The following AS3MT variants were observed in gnomAD, a reference collection of about 807,000 sequenced individuals.
AS3MT encodes arsenite methyltransferase, also known as S-adenosyl-L-methionine:arsenic(III) methyltransferase.
Under a neutral mutation model 45.3 loss-of-function variants are expected in AS3MT, and 47 were observed. That is an observed-to-expected ratio of 1.04 (90% CI 0.82 to 1.32). AS3MT has a LOEUF of 1.32. AS3MT is among the 40% of genes most tolerant of loss of function. The probability of loss-of-function intolerance (pLI) is 0.00; values close to 1 mark genes in which losing one functional copy is unlikely to be tolerated. For synonymous variants in AS3MT, 141 were observed against 152.8 expected (o/e 0.92, Z 0.57); for missense variants, 396 against 451.1 (o/e 0.88, Z 1.11).
chr10:102,878,748 G>T, intron 8 of AS3MT, 101 bp from the exon 9 acceptor site: 1 of 1,441,110 alleles, frequency 6.9e-7, no homozygotes, highest in Non-Finnish European at 9.4e-7. Flanking sequence ...TGACATGCAA[G>T]GAAGAAAATC....
chr10:102,877,559 CAAAAAAAAAAAAA>C (rs199723619), intron 7 of AS3MT, among the ~76,000 whole-genome samples: 1 of 94,396 alleles, frequency 1.1e-5, no homozygotes, highest in Non-Finnish European at 2.2e-5. Context: ...TGGAAAGTGC[CAAAAAAAAAAAAA>C]AAAAAGAAAA....
chr10:102,898,211 T>A (rs960353452), intron 10 of AS3MT, among the ~76,000 whole-genome samples: 1 of 151,994 alleles, frequency 6.6e-6, no homozygotes, highest in African/African-American at 2.4e-5. Context: ...ATACTTAACA[T>A]CTTGAGAGTC....
In AS3MT at chr10:102,881,783, TG is replaced by T. The variant is rs1844869773; in HGVS notation, c.885+2794del. 6.6e-6 allele frequency among the ~76,000 whole-genome samples: 1 copy of T among 152,220 alleles called. No individual in the cohort carries two copies. The highest frequency in any genetic ancestry group is 1.5e-5 in the Non-Finnish European group (1 of 68,038). On this transcript the variant is annotated intron_variant, in intron 9 of 10. Coordinates refer to ENST00000369880, the MANE Select transcript of AS3MT (RefSeq NM_020682.4). The surrounding 1 kb of genome is among the most constrained non-coding windows in gnomAD (Gnocchi z 4.2). ...CAAAGTCTCTCTCTGTCACCCATGC[TG>T]GAGTGTAGTGGCACAGTCATAGCTC...
Position 102,888,873 on chromosome 10 carries a change from ATATATATATTTT to A in AS3MT, c.886-1669_886-1658del, listed in dbSNP as rs1387553823. On this transcript the variant is annotated intron_variant, in intron 9 of 10. Coordinates refer to ENST00000369880, the MANE Select transcript of AS3MT (RefSeq NM_020682.4). Reference sequence around the variant, plus strand: ...ACCCTATATATATATATATATATATATATATATATTTTTTTTTTTTTTTTTGAGACGGAGTCT... The same window carrying A: ...ACCCTATATATATATATATATATATATTTTTTTTTTTTTGAGACGGAGTCT... Among the ~76,000 whole-genome samples the A allele has an allele frequency of 1.0e-3, 63 of 62,312 alleles. 1 individual carries two copies. Among genetic ancestry groups the A allele is most frequent in the African/African-American group, 3.1e-3 (53 of 16,988 alleles). The allele number at this position is 62,312 out of a possible 152,430, so 40.9% of individuals were successfully genotyped here.
At chr10:102,885,687 G>A (rs796488225) in intron 9 of AS3MT, among the ~76,000 whole-genome samples, 1 of 104,486 alleles carries the variant, frequency 9.6e-6, no homozygotes, top group Non-Finnish European at 2.0e-5. Context: ...CCGCCACTAC[G>A]CCCGGCTAAT....
chr10:102,874,888 G>A (rs756885457), intron 6 of AS3MT, among the ~76,000 whole-genome samples: 8 of 152,166 alleles, frequency 5.3e-5, no homozygotes, highest in Non-Finnish European at 1.2e-4. Context: ...CACTGAATGT[G>A]TTAAGGTATT....
At chr10:102,895,637 C>G (rs761450229) in intron 10 of AS3MT, among the ~76,000 whole-genome samples, 2 of 152,178 alleles carry the variant, frequency 1.3e-5, no homozygotes, top group African/African-American at 4.8e-5. Context: ...ACCATTGTTA[C>G]AATAATACTA....
chr10:102,878,992 G>A lies in AS3MT; in HGVS notation c.885+1G>A, dbSNP rs1161436920. ...GTTTGATGCCAATTTTACATTTAAG[G>A]TAAATAAAACAATTTCCATGACTTC... On this transcript the variant is annotated splice_donor_variant, in intron 9 of 10. Transcript: ENST00000369880. LOFTEE classifies it high-confidence loss of function. 6.2e-7 allele frequency: 1 copy of A among 1,610,014 alleles called. No homozygotes were observed. Among genetic ancestry groups the A allele is most frequent in the Non-Finnish European group, 8.5e-7 (1 of 1,178,174 alleles).
At chr10:102,872,820 T>C (rs537534393) in intron 4 of AS3MT, among the ~76,000 whole-genome samples, 15 of 152,330 alleles carry the variant, frequency 9.8e-5, no homozygotes, top group South Asian at 6.2e-4. Context: ...CTGATATGAA[T>C]ATCGTGACGA....
intron 10 of AS3MT, among the ~76,000 whole-genome samples, chr10:102,893,058 CA>C (rs34643607): frequency 1.3e-4 from 19 of 142,020 alleles, no homozygotes; most frequent in African/African-American, 2.8e-4. Context: ...TGAAAGACCA[CA>C]AAAAAAAAAA....
At chr10:102,875,140 A>G (rs930828454) in intron 6 of AS3MT, among the ~76,000 whole-genome samples, 4 of 152,194 alleles carry the variant, frequency 2.6e-5, no homozygotes, top group Admixed American at 6.6e-5. Context: ...CAGGAGCTCC[A>G]CAGCCTTCAT....
chr10:102,886,226 C>G (rs1196513160), intron 9 of AS3MT, among the ~76,000 whole-genome samples: 2 of 151,504 alleles, frequency 1.3e-5, no homozygotes, highest in Non-Finnish European at 2.9e-5. Flanking sequence ...TTATAGTTCC[C>G]TCATGGGCAT....
At chr10:102,872,878 G>T (rs770393381) in intron 4 of AS3MT, among the ~76,000 whole-genome samples, 6 of 152,136 alleles carry the variant, frequency 3.9e-5, no homozygotes, top group African/African-American at 1.4e-4. Context: ...TATCCTGAAA[G>T]ATTTTGTTAT....
chr10:102,888,673 G>A (rs1844998862), intron 9 of AS3MT, among the ~76,000 whole-genome samples: 1 of 151,556 alleles, frequency 6.6e-6, no homozygotes, highest in Admixed American at 6.6e-5. Context: ...CACTCGCCCT[G>A]GCCTACCAAA....
At chr10:102,871,432 G>A (rs10786718) in intron 3 of AS3MT, among the ~76,000 whole-genome samples, 37,110 of 150,548 alleles carry the variant, frequency 0.25, 4,717 homozygotes, top group East Asian at 0.43. Flanking sequence ...CTGTAGTTCC[G>A]GCTGCTGGGG....
rs748128749 is a variant in AS3MT at position 102,876,955 on chromosome 10, A to G, written c.530A>G (p.His177Arg). Residue 177 changes from histidine (H) to arginine (R), a missense_variant and splice_region_variant, in exon 7 of 11, where the codon CAT (histidine) becomes CGT (arginine). Coordinates refer to ENST00000369880, the MANE Select transcript of AS3MT (RefSeq NM_020682.4). ...VLQEAYRVLKHGGELYFSDVY... is the reference protein window; with the variant it reads ...VLQEAYRVLKRGGELYFSDVY... The stretch of plus-strand genomic sequence containing the variant: ...TGGACTAATATGCCTCTGTTTCAGC[A>G]TGGTGGGGAGTTATATTTCAGTGAC... 1.2e-6 allele frequency: 2 copies of G among 1,614,086 alleles called. No individual in the cohort carries two copies. Among genetic ancestry groups the G allele is most frequent in the Admixed American group, 1.7e-5 (1 of 60,022 alleles).
rs1844821528 is a variant in AS3MT, at chr10:102,878,442, T to A, written c.674T>A (p.Phe225Tyr). The change falls in exon 8 of 11, where the codon TTC becomes TAC. Residue 225 changes from phenylalanine (F) to tyrosine (Y), a missense_variant. Coordinates refer to ENST00000369880, the MANE Select transcript of AS3MT (RefSeq NM_020682.4). Reference sequence around the variant, plus strand: ...GCTGTCCTTGCTCAAAAAATTGGGTTCTGCCCTCCACGTTTGGTCACTGCC... The same window carrying A: ...GCTGTCCTTGCTCAAAAAATTGGGTACTGCCCTCCACGTTTGGTCACTGCC... ...ELAVLAQKIG[F>Y]CPPRLVTANL... is the part of the protein sequence containing the mutation. 1 of 1,614,150 alleles carries A rather than the reference T, an allele frequency of 6.2e-7. No individual in the cohort carries two copies. The highest frequency in any genetic ancestry group is 1.1e-5 in the South Asian group (1 of 91,086).
At chr10:102,873,350 A>G in intron 5 of AS3MT, 117 bp downstream of exon 5, 1 of 773,426 alleles carries the variant, frequency 1.3e-6, no homozygotes, top group South Asian at 5.0e-5. Context: ...GCCCAATGTC[A>G]GCTCACGATA....
intron 9 of AS3MT, among the ~76,000 whole-genome samples, chr10:102,880,664 T>C (rs1315035845): frequency 1.3e-5 from 2 of 152,172 alleles, no homozygotes; most frequent in Non-Finnish European, 2.9e-5. Flanking sequence ...CCTCAAAATA[T>C]TAGGTGCTGT....
Sources: allele counts gnomAD v4.1 joint callset (sites outside exome capture counted in the v4.1 genomes callset), GRCh38; gene constraint gnomAD v4.1.1; non-coding constraint Gnocchi (gnomAD v3.1); transcripts MANE v1.5; gene names NCBI Gene and HGNC (gene_info 2026-07-23, HGNC 2026-07-21).